The following ITGB5 variants were observed in gnomAD, a reference collection of about 807,000 sequenced individuals.
ITGB5 encodes integrin beta-5.
A neutral mutation model predicts 84.8 loss-of-function variants in ITGB5; 38 were observed. That is an observed-to-expected ratio of 0.45 (90% CI 0.35 to 0.59). The LOEUF is 0.59. Ranked by LOEUF, ITGB5 falls within the 20% of genes least tolerant of loss-of-function variation. The probability of loss-of-function intolerance (pLI) is 0.01; values close to 1 mark genes in which losing one functional copy is unlikely to be tolerated. For missense variants in ITGB5, 905 were observed against 1,034.5 expected (o/e 0.87, Z 1.72); for synonymous variants, 393 against 414.4 (o/e 0.95, Z 0.63).
intron 2 of ITGB5, chr3:124,862,624 A>G (rs944750860): frequency 6.6e-6 from 1 of 152,238 alleles, no homozygotes; most frequent in African/African-American, 2.4e-5. Context: ...GTCAGTGCCT[A>G]TTACAACCCT....
chr3:124,766,194 G>A lies in ITGB5; in HGVS notation c.2137+32C>T, dbSNP rs775889274. 3.1e-6 allele frequency: 5 copies of A among 1,603,634 alleles called. No individual in the cohort carries two copies. In the East Asian group the frequency reaches 9.0e-5, roughly 29 times the overall value. On this transcript the variant is annotated intron_variant, in intron 13 of 14. Transcript: ENST00000296181. ...CAGAAATCAGAACTGAGGGCTGGCT[G>A]AGTGGGCCGAGCCCTTGCAGCCCTC...
At chr3:124,773,097 G>T (rs575305380) in intron 11 of ITGB5, among the ~76,000 whole-genome samples, 182 of 151,958 alleles carry the variant, frequency 1.2e-3, no homozygotes, top group African/African-American at 4.0e-3. Flanking sequence ...GTAGAGACGG[G>T]TGTTTCACCA....
chr3:124,890,578 T>A (rs191119451), upstream of ITGB5, among the ~76,000 whole-genome samples: 35 of 152,298 alleles, frequency 2.3e-4, no homozygotes, highest in Admixed American at 5.2e-4. Flanking sequence ...TCCAGTGCTT[T>A]ACAAACTGTT....
At chr3:124,884,414 G>A (rs1375217543) in intron 1 of ITGB5, among the ~76,000 whole-genome samples, 1 of 152,086 alleles carries the variant, frequency 6.6e-6, no homozygotes, top group Non-Finnish European at 1.5e-5. Context: ...AAAGAGATGG[G>A]CAGAGGCCAG....
At chr3:124,833,095 T>A (rs573339715) in intron 5 of ITGB5, 29 of 152,328 alleles carry the variant, frequency 1.9e-4, no homozygotes, top group African/African-American at 6.7e-4. Flanking sequence ...ATATCTTTTT[T>A]AAAAAAATCT....
At chr3:124,845,101 G>C (rs556283606) in intron 4 of ITGB5, among the ~76,000 whole-genome samples, 1 of 152,194 alleles carries the variant, frequency 6.6e-6, no homozygotes, top group Non-Finnish European at 1.5e-5. Context: ...GGATCCACCT[G>C]AAGGATCCAC....
In ITGB5 at chr3:124,769,028, A is replaced by C. The variant is rs772507802; in HGVS notation, c.2002T>G (p.Trp668Gly). 6.2e-7 allele frequency: 1 copy of C among 1,612,476 alleles called. No homozygotes were observed. Among genetic ancestry groups the C allele is most frequent in the South Asian group, 1.1e-5 (1 of 91,024 alleles). Residue 668 changes from tryptophan to glycine, a missense_variant, in exon 12 of 15, where the codon TGG becomes GGG. Coordinates refer to ENST00000296181, the MANE Select transcript of ITGB5 (RefSeq NM_002213.5). Reference protein sequence around the residue: ...HSLCRDEVITWVDTIVKDDQE... With the variant: ...HSLCRDEVITGVDTIVKDDQE... ...GCACACTCACCGATGGTGTCCACCCATGTGATCACCTCATCCCTGCATAGG... is the reference window on the plus strand; with the variant it reads ...GCACACTCACCGATGGTGTCCACCCCTGTGATCACCTCATCCCTGCATAGG...
chr3:124,871,020 G>A (rs1221043466), intron 2 of ITGB5, among the ~76,000 whole-genome samples: 1 of 151,940 alleles, frequency 6.6e-6, no homozygotes, highest in African/African-American at 2.4e-5. Context: ...CCCCCAAGTA[G>A]CTGGGACTAC....
chr3:124,770,596 T>G (rs943005326), intron 11 of ITGB5, among the ~76,000 whole-genome samples: 2 of 152,164 alleles, frequency 1.3e-5, no homozygotes, highest in Non-Finnish European at 2.9e-5. Context: ...TCTGAGACCA[T>G]TTCACTAAGT....
intron 12 of ITGB5, among the ~76,000 whole-genome samples, chr3:124,768,511 A>T (rs931090461): frequency 6.6e-6 from 1 of 152,086 alleles, no homozygotes; most frequent in Non-Finnish European, 1.5e-5. Context: ...CATATAATAC[A>T]TGGCTTCTTT....
Position 124,766,289 on chromosome 3 carries a change from T to C in ITGB5, c.2074A>G (p.Met692Val), listed in dbSNP as rs1046853304. 2 of 1,614,148 alleles carry C rather than the reference T, an allele frequency of 1.2e-6. No homozygotes were observed. The highest frequency in any genetic ancestry group is 1.6e-4 in the Middle Eastern group (1 of 6,062). Residue 692 changes from methionine (M) to valine (V), a missense_variant, in exon 13 of 15, where the codon ATG (methionine) becomes GTG (valine). Around this residue, in one of 3 missense-constraint regions of ITGB5, gnomAD observed 116 missense variants for 177.0 expected, o/e 0.66. Transcript: ENST00000296181. Reference sequence around the variant, plus strand: ...GGGAGCTCCACATAGGTGAACATCATGACGCAGTCCTTGGCGGTTTTGTAG... The same window carrying C: ...GGGAGCTCCACATAGGTGAACATCACGACGCAGTCCTTGGCGGTTTTGTAG... ...CFYKTAKDCV[M>V]MFTYVELPSG...
chr3:124,799,538 C>T (rs551450979), intron 9 of ITGB5, among the ~76,000 whole-genome samples: 16 of 151,948 alleles, frequency 1.1e-4, no homozygotes, highest in Middle Eastern at 3.2e-3. Flanking sequence ...CCAGCCTGGA[C>T]GACAGAGTGA....
intron 9 of ITGB5, among the ~76,000 whole-genome samples, chr3:124,804,007 G>C (rs561741408): frequency 6.6e-6 from 1 of 152,272 alleles, no homozygotes; most frequent in South Asian, 2.1e-4. Flanking sequence ...GGTTGTTTCT[G>C]GTCCTTCCCA....
chr3:124,841,589 T>C, intron 4 of ITGB5, 38 bp from the exon 5 acceptor site: 1 of 1,600,684 alleles, frequency 6.2e-7, no homozygotes, highest in Non-Finnish European at 8.5e-7. Flanking sequence ...TTTCCATCAT[T>C]GTCTGTAAAT....
intron 5 of ITGB5, 106 bp downstream of exon 5, chr3:124,841,277 G>A (rs1304677963): frequency 2.2e-5 from 24 of 1,073,956 alleles, no homozygotes; most frequent in Non-Finnish European, 3.1e-5. Context: ...GTGGTCAGGA[G>A]CCACATGCTG....
At chr3:124,836,272 T>C (rs1266332975) in intron 5 of ITGB5, among the ~76,000 whole-genome samples, 3 of 151,878 alleles carry the variant, frequency 2.0e-5, no homozygotes, top group Admixed American at 6.6e-5. Flanking sequence ...TCCCAGCATT[T>C]TGGGAGGCTG....
chr3:124,815,569 G>A (rs1460497508), intron 8 of ITGB5, among the ~76,000 whole-genome samples: 2 of 152,232 alleles, frequency 1.3e-5, no homozygotes, highest in African/African-American at 2.4e-5. Flanking sequence ...CTTCTGCCCT[G>A]TGGGGTCTCC....
At chr3:124,777,330 C>A (rs1432890844) in intron 10 of ITGB5, among the ~76,000 whole-genome samples, 1 of 152,186 alleles carries the variant, frequency 6.6e-6, no homozygotes, top group African/African-American at 2.4e-5. Context: ...GTGGGAGCCA[C>A]GGAGGGGCTG....
At chr3:124,895,252 G>A (rs1935078673) in intron 1 of ITGB5, among the ~76,000 whole-genome samples, 1 of 152,120 alleles carries the variant, frequency 6.6e-6, no homozygotes, top group Non-Finnish European at 1.5e-5. Flanking sequence ...TTTGAGACAG[G>A]GTCTCACACT....
Sources: allele counts gnomAD v4.1 joint callset (sites outside exome capture counted in the v4.1 genomes callset), GRCh38; gene constraint gnomAD v4.1.1; regional missense constraint gnomAD v4.1.1; transcripts MANE v1.5; gene names NCBI Gene and HGNC (gene_info 2026-07-23, HGNC 2026-07-21).